The following CPT1A variants were observed in gnomAD, a reference collection of about 807,000 sequenced individuals.
The protein encoded by CPT1A is carnitine O-palmitoyltransferase 1, liver isoform.
Under a neutral mutation model 100.8 loss-of-function variants are expected in CPT1A, and 64 were observed. The ratio of observed to expected loss-of-function variants is 0.63; its 90% confidence interval spans 0.52 to 0.78. The LOEUF (loss-of-function observed/expected upper bound fraction) is 0.78, where lower values mean the gene tolerates loss of function less well. Ranked by LOEUF, CPT1A falls within the 30% of genes least tolerant of loss-of-function variation. CPT1A has a pLI of 0.00. For synonymous variants in CPT1A, 363 were observed against 396.0 expected (o/e 0.92, Z 0.99); for missense variants, 802 against 1,034.1 (o/e 0.78, Z 3.08).
At chr11:68,802,849 A>G (rs1048481804) in intron 5 of CPT1A, among the ~76,000 whole-genome samples, 1 of 148,674 alleles carries the variant, frequency 6.7e-6, no homozygotes, top group Non-Finnish European at 1.5e-5. Flanking sequence ...GTGAGCCAAG[A>G]TCGCGCCACT....
chr11:68,822,205 C>T (rs2154001912), intron 1 of CPT1A, among the ~76,000 whole-genome samples: 1 of 151,906 alleles, frequency 6.6e-6, no homozygotes, highest in East Asian at 1.9e-4. Context: ...TGGCAAGCCC[C>T]TGTCTCTGTA....
Position 68,807,611 on chromosome 11 carries a change from G to A in CPT1A, c.309C>T (p.Asn103=), listed in dbSNP as rs200536266. The part of the protein sequence containing the change: ...TANCMSSQTK[N]VVSGVLFGTG... ...TGCCAAACAGCACGCCGCTGACCAC[G>A]TTCTTCGTCTGGCTGGACATGCAGT... is the stretch of plus-strand genomic sequence containing the variant. Residue 103 remains asparagine, a synonymous_variant, in exon 4 of 19, where the codon AAC becomes AAT. Transcript: ENST00000265641. The A allele has an allele frequency of 1.5e-5, 24 of 1,614,108 alleles. No homozygotes were observed. In the East Asian group the frequency reaches 3.8e-4, roughly 25 times the overall value.
chr11:68,813,806 G>A (rs1019998450), intron 2 of CPT1A, among the ~76,000 whole-genome samples: 1 of 152,038 alleles, frequency 6.6e-6, no homozygotes, highest in Non-Finnish European at 1.5e-5. Flanking sequence ...AGATTCCAAG[G>A]TGAAAAAGAG....
chr11:68,814,021 G>A (rs555903439), intron 2 of CPT1A, among the ~76,000 whole-genome samples: 6 of 152,186 alleles, frequency 3.9e-5, no homozygotes, highest in African/African-American at 7.2e-5. Flanking sequence ...CTTCAGTGCC[G>A]CCCTCGGAGA....
intron 14 of CPT1A, 125 bp downstream of exon 14, chr11:68,773,140 C>CG: frequency 1.3e-6 from 2 of 1,518,862 alleles, no homozygotes; most frequent in East Asian, 4.8e-5. Context: ...AGACCGGGGT[C>CG]GGGGGGAGCT....
intron 14 of CPT1A, among the ~76,000 whole-genome samples, chr11:68,768,232 C>T (rs1362547085): frequency 6.7e-6 from 1 of 149,920 alleles, no homozygotes; most frequent in East Asian, 2.0e-4. Context: ...CCCGCCACCG[C>T]GCCCGGCTAA....
At chr11:68,797,155 A>C (rs1352319226) in intron 6 of CPT1A, among the ~76,000 whole-genome samples, 1 of 152,250 alleles carries the variant, frequency 6.6e-6, no homozygotes, top group Non-Finnish European at 1.5e-5. Flanking sequence ...AGGCAGAAAG[A>C]AGGTACATCA....
Position 68,762,621 on chromosome 11 carries a change from C to A in CPT1A, c.1875+6G>T. 1.6e-5 allele frequency: 26 copies of A among 1,613,472 alleles called. No individual in the cohort carries two copies. Among genetic ancestry groups the A allele is most frequent in the Non-Finnish European group, 2.2e-5 (26 of 1,180,014 alleles). The stretch of plus-strand genomic sequence containing the variant: ...ACGTTGTGTCCTCAGCCTGATGGCA[C>A]ATTACCGTCTGGGCCGGGTCCACCA... On this transcript the variant is annotated splice_donor_region_variant and intron_variant, in intron 15 of 18. Transcript: ENST00000265641.
Position 68,757,607 on chromosome 11 carries a change from G to GAAGAGCTCGTTTTCC in CPT1A, c.*22_*36dup. On this transcript the variant is annotated 3_prime_UTR_variant, in exon 19 of 19. Transcript: ENST00000265641. ...CCTATTTTTCATTTGGTTTGCATCA[G>GAAGAGCTCGTTTTCC]AAGAGCTCGTTTTCCTTCCCAGCAG... is the stretch of plus-strand genomic sequence containing the variant. 1 of 1,614,050 alleles carries GAAGAGCTCGTTTTCC rather than the reference G, an allele frequency of 6.2e-7. No homozygotes were observed. The highest frequency in any genetic ancestry group is 2.2e-5 in the East Asian group (1 of 44,882).
intron 1 of CPT1A, among the ~76,000 whole-genome samples, chr11:68,829,880 T>C (rs971486408): frequency 2.6e-5 from 4 of 152,002 alleles, no homozygotes; most frequent in Non-Finnish European, 5.9e-5. Flanking sequence ...GGGCCGCGGA[T>C]GTGTCTATTT....
intron 1 of CPT1A, among the ~76,000 whole-genome samples, chr11:68,822,847 C>A (rs1856622525): frequency 6.6e-6 from 1 of 152,094 alleles, no homozygotes; most frequent in African/African-American, 2.4e-5. Flanking sequence ...TCATATATTG[C>A]TGATTCTATT....
intron 7 of CPT1A, among the ~76,000 whole-genome samples, chr11:68,796,533 G>A (rs1365541272): frequency 6.6e-6 from 1 of 152,090 alleles, no homozygotes; most frequent in South Asian, 2.1e-4. Context: ...TCCAGCCTGG[G>A]GGACAAGAGC....
Position 68,757,408 on chromosome 11 carries a change from CAG to C in CPT1A, c.*234_*235del. The stretch of plus-strand genomic sequence containing the variant: ...TAAATCCAAGCCGATGCGGAGACAT[CAG>C]GGGAGACTTTATCAGATGTCCCCCA... On this transcript the variant is annotated 3_prime_UTR_variant, in exon 19 of 19. Coordinates refer to ENST00000265641, the MANE Select transcript of CPT1A (RefSeq NM_001876.4). The C allele has an allele frequency of 7.1e-7, 1 of 1,406,374 alleles. No homozygotes were observed. The highest frequency in any genetic ancestry group is 9.2e-7 in the Non-Finnish European group (1 of 1,083,988). 87.1% of individuals were successfully genotyped at this position (1,406,374 alleles called of 1,614,324 possible).
chr11:68,798,410 G>T (rs1036452179), intron 6 of CPT1A, among the ~76,000 whole-genome samples: 1 of 152,182 alleles, frequency 6.6e-6, no homozygotes, highest in Non-Finnish European at 1.5e-5. Flanking sequence ...GCCACGTCTA[G>T]CGCCACCTGC....
At chr11:68,825,165 A>G (rs538291967) in intron 1 of CPT1A, among the ~76,000 whole-genome samples, 45 of 152,110 alleles carry the variant, frequency 3.0e-4, no homozygotes, top group Non-Finnish European at 6.0e-4. Flanking sequence ...GGTAGGAAGG[A>G]GCCATGTGTG....
intron 9 of CPT1A, among the ~76,000 whole-genome samples, chr11:68,792,826 A>G (rs930313539): frequency 6.6e-6 from 1 of 152,182 alleles, no homozygotes; most frequent in African/African-American, 2.4e-5. Context: ...AAGCGGGCGG[A>G]TCACTTGAGT....
Position 68,793,745 on chromosome 11 carries a change from C to CAA in CPT1A, c.880-345_880-344dup, listed in dbSNP as rs1289830613. Among the ~76,000 whole-genome samples, 309 of 66,212 alleles carry CAA rather than the reference C, an allele frequency of 4.7e-3. 2 individuals are homozygous for CAA. The highest frequency in any genetic ancestry group is 0.016 in the African/African-American group (292 of 18,582). 43.4% of individuals were successfully genotyped at this position (66,212 alleles called of 152,430 possible). A position where few individuals can be genotyped will look rare whatever the true frequency, so the allele number is the denominator to read the frequency against. ...TCGGCAACAGAGCGAGACTCTGTCT[C>CAA]AAAAAAAAAAAAAAAAAGAAAACAA... is the stretch of plus-strand genomic sequence containing the variant. On this transcript the variant is annotated intron_variant, in intron 8 of 18. Transcript: ENST00000265641.
intron 2 of CPT1A, 58 bp downstream of exon 2, chr11:68,815,276 G>A (rs973928799): frequency 6.4e-7 from 1 of 1,564,456 alleles, no homozygotes; most frequent in South Asian, 1.1e-5. Context: ...AGCAGCCAGA[G>A]CCCCGTTCTT....
chr11:68,843,422 C>T (rs1180261890), upstream of CPT1A, among the ~76,000 whole-genome samples: 1 of 150,480 alleles, frequency 6.6e-6, no homozygotes, highest in African/African-American at 2.4e-5. The surrounding 1 kb of genome is among the most constrained non-coding windows in gnomAD (Gnocchi z 4.0). Flanking sequence ...GATGTACCTC[C>T]TGGAGCTCCT....
Sources: gnomAD v4.1 joint callset for allele counts (sites outside exome capture counted in the v4.1 genomes callset) on GRCh38, gnomAD v4.1.1 for gene constraint, Gnocchi (gnomAD v3.1) non-coding constraint, MANE v1.5 for transcripts, NCBI Gene and HGNC (gene_info 2026-07-23, HGNC 2026-07-21) for gene names.